The following ATP13A3 variants were observed in gnomAD, a reference collection of about 807,000 sequenced individuals.
ATP13A3 encodes the protein ATPase 13A3.
In ATP13A3, 59 loss-of-function variants were observed where a neutral mutation model predicts 158.1. The observed-to-expected ratio is 0.37, with a 90% CI of 0.30 to 0.46. ATP13A3 has a LOEUF of 0.46. ATP13A3 is among the 20% of genes least tolerant of loss of function. The pLI is 1.00. For synonymous variants in ATP13A3, 491 were observed against 504.3 expected, an observed-to-expected ratio of 0.97 and a Z score of 0.35; for missense variants, 1,166 against 1,525.2, an observed-to-expected ratio of 0.76 and a Z score of 3.92.
Position 194,425,472 on chromosome 3 carries a change from G to C in ATP13A3, c.3183C>G (p.Thr1061=). The C allele has an allele frequency of 6.2e-7, 1 of 1,613,588 alleles. No homozygotes were observed. Among genetic ancestry groups the C allele is most frequent in the Non-Finnish European group, 8.5e-7 (1 of 1,179,694 alleles). Residue 1061 remains threonine (T), a synonymous_variant, in exon 30 of 34, where the codon ACC becomes ACG. Transcript: ENST00000645319. ...TTTGTATATTATGTTCATCAAGTTC[G>C]GTTTCATTGTCTACGTGTGAAGAAT... ...FWNSSHVDNE[T]ELDEHNIQNY...
At chr3:194,437,658 C>T (rs1247883066) in intron 17 of ATP13A3, 85 bp from the exon 18 acceptor site, 2 of 1,319,610 alleles carry the variant, frequency 1.5e-6, no homozygotes, top group African/African-American at 3.0e-5. Flanking sequence ...TAAGCATCCA[C>T]AAAACATTAT....
chr3:194,483,426 CAA>C (rs1228588078), intron 2 of ATP13A3, among the ~76,000 whole-genome samples: 3 of 120,358 alleles, frequency 2.5e-5, no homozygotes, highest in Admixed American at 8.4e-5. Context: ...CCCACCTCTA[CAA>C]AAAAAAAAAA....
chr3:194,405,797 G>A lies in ATP13A3; in HGVS notation c.*122C>T. On this transcript the variant is annotated 3_prime_UTR_variant, in exon 34 of 34. Coordinates refer to ENST00000645319, the MANE Select transcript of ATP13A3 (RefSeq NM_001367549.1). ...AAGGAAGAGCAAAGCTGTCAAATAA[G>A]CTACTATATCAGAAGGGACATAAAC... 1.0e-6 allele frequency: 1 copy of A among 965,234 alleles called. No homozygotes were observed. Among genetic ancestry groups the A allele is most frequent in the Non-Finnish European group, 1.6e-6 (1 of 641,618 alleles). 59.8% of individuals were successfully genotyped at this position (965,234 alleles called of 1,614,324 possible).
rs546648860 is a variant in ATP13A3, at chr3:194,435,049, AAT to A, written c.2121-1155_2121-1154del. Reference sequence around the variant, plus strand: ...TCAGAGACTAGAATTTCAGACTTGGAATAACCAAATGATTTTTCTGACAAAAT... The same window carrying A: ...TCAGAGACTAGAATTTCAGACTTGGAAACCAAATGATTTTTCTGACAAAAT... On this transcript the variant is annotated intron_variant, in intron 20 of 33. Coordinates refer to ENST00000645319, the MANE Select transcript of ATP13A3 (RefSeq NM_001367549.1). Among the ~76,000 whole-genome samples, 477 of 152,356 alleles carry A rather than the reference AAT, an allele frequency of 3.1e-3. 1 individual carries two copies. Among genetic ancestry groups the A allele is most frequent in the African/African-American group, 0.011 (460 of 41,584 alleles).
At chr3:194,487,075 G>A (rs1198524237), upstream of ATP13A3, 1 of 151,854 alleles carries the variant, frequency 6.6e-6, no homozygotes, top group Non-Finnish European at 1.5e-5. Context: ...GCGACGTCAG[G>A]AGGCGGGGAA....
At chr3:194,421,319 C>T (rs181662412) in intron 30 of ATP13A3, among the ~76,000 whole-genome samples, 4 of 146,024 alleles carry the variant, frequency 2.7e-5, no homozygotes, top group African/African-American at 5.1e-5. Context: ...TTTGGGAGGC[C>T]GAGGCGGGCG....
intron 20 of ATP13A3, among the ~76,000 whole-genome samples, chr3:194,436,330 CGGG>C (rs1717635314): frequency 6.6e-6 from 1 of 152,004 alleles, no homozygotes; most frequent in Non-Finnish European, 1.5e-5. Flanking sequence ...TGTCATTTGA[CGGG>C]GGGACATGGA....
chr3:194,448,454 T>C lies in ATP13A3; in HGVS notation c.1150+3A>G, dbSNP rs559688641. On this transcript the variant is annotated splice_donor_region_variant and intron_variant, in intron 12 of 33. Transcript: ENST00000645319. This position sits in a 1 kb window ranked among gnomAD's most constrained non-coding sequence, Gnocchi z 4.0. Reference sequence around the variant, plus strand: ...AAAAGAGATTAATTAAGATGTTTCCTACCTGTTCTAACAACTATGGCTTTG... The same window carrying C: ...AAAAGAGATTAATTAAGATGTTTCCCACCTGTTCTAACAACTATGGCTTTG... 5.0e-5 allele frequency: 80 copies of C among 1,612,078 alleles called. No individual in the cohort carries two copies. Among genetic ancestry groups the C allele is most frequent in the African/African-American group, 9.3e-5 (7 of 74,880 alleles).
At chr3:194,431,597 CCT>C in intron 22 of ATP13A3, 118 bp downstream of exon 22, 1 of 1,027,596 alleles carries the variant, frequency 9.7e-7, no homozygotes, top group Non-Finnish European at 1.3e-6. Context: ...AAAAAATAGC[CCT>C]GACTTCTGTT....
chr3:194,439,525 C>T (rs1474461096), intron 16 of ATP13A3, among the ~76,000 whole-genome samples: 1 of 152,162 alleles, frequency 6.6e-6, no homozygotes, highest in East Asian at 1.9e-4. Context: ...CGAAGAAAAA[C>T]GTATATTAAA....
Position 194,459,693 on chromosome 3 carries a change from C to T in ATP13A3, c.408+96G>A, listed in dbSNP as rs915737008. ...TATATGCAGGTAAATTTATCTCAAG[C>T]ATTAACTGCAAACACAAAATTATAG... On this transcript the variant is annotated intron_variant, in intron 5 of 33. Transcript: ENST00000645319. 6 of 1,329,902 alleles carry T rather than the reference C, an allele frequency of 4.5e-6. No individual in the cohort carries two copies. In the African/African-American group the frequency reaches 7.4e-5, roughly 16 times the overall value. 82.4% of individuals were successfully genotyped at this position (1,329,902 alleles called of 1,614,324 possible).
Position 194,444,741 on chromosome 3 carries a change from G to A in ATP13A3, c.1543C>T (p.Arg515Ter). The change falls in exon 15 of 34, where the codon CGA becomes TGA. Residue 515 changes from arginine (R) to a stop codon, truncating the protein, a stop_gained. Coordinates refer to ENST00000645319, the MANE Select transcript of ATP13A3 (RefSeq NM_001367549.1). LOFTEE classifies it high-confidence loss of function. The part of the protein sequence containing the change: ...EDGLDLWGIQ[R>*]VENARFLSPE... ...AATATTTACCGTGCATTTTCCACTC[G>A]TTGAATCCCCCAAAGATCTAAACCA... 3.8e-6 allele frequency: 6 copies of A among 1,594,580 alleles called. No homozygotes were observed. The highest frequency in any genetic ancestry group is 1.2e-5 in the South Asian group (1 of 86,430).
rs769009109 is a variant in ATP13A3, at chr3:194,441,465, A to C, written c.1560-4T>G. The stretch of plus-strand genomic sequence containing the variant: ...ATTTTCTTCTGGTGAAAGAAATCTA[A>C]GCAGAAGACACACTGAATTAGTTTC... On this transcript the variant is annotated splice_region_variant and splice_polypyrimidine_tract_variant and intron_variant, in intron 15 of 33. Transcript: ENST00000645319. The C allele has an allele frequency of 6.2e-7, 1 of 1,610,612 alleles. No homozygotes were observed.
Position 194,447,007 on chromosome 3 carries a change from GTCTTC to G in ATP13A3, c.1412_1416del (p.Arg471ThrfsTer26). On this transcript the variant is annotated frameshift_variant, in exon 14 of 34. Transcript: ENST00000645319. LOFTEE classifies it high-confidence loss of function. ...ATACAGAAAATACCGATTTTTTTCAGTCTTCTCTGAGCATACACAATACCAGCAGT... is the reference window on the plus strand; with the variant it reads ...ATACAGAAAATACCGATTTTTTTCAGTCTGAGCATACACAATACCAGCAGT... 6.2e-7 allele frequency: 1 copy of G among 1,613,314 alleles called. No homozygotes were observed. The highest frequency in any genetic ancestry group is 8.5e-7 in the Non-Finnish European group (1 of 1,179,734).
intron 2 of ATP13A3, among the ~76,000 whole-genome samples, chr3:194,464,398 C>T (rs1359486000): frequency 1.3e-5 from 2 of 152,186 alleles, no homozygotes; most frequent in Admixed American, 1.3e-4. Context: ...GTAACAAGAT[C>T]TTCTCCACCT....
intron 21 of ATP13A3, among the ~76,000 whole-genome samples, chr3:194,432,928 GA>G (rs549690914): frequency 3.1e-4 from 46 of 147,082 alleles, no homozygotes; most frequent in Admixed American, 1.8e-3. Context: ...AGATGTACTA[GA>G]AAAAAAAAAG....
rs1172893031 is a variant in ATP13A3 at position 194,440,714 on chromosome 3, A to C, written c.1710+597T>G. 2.0e-5 allele frequency among the ~76,000 whole-genome samples: 3 copies of C among 152,226 alleles called. No homozygotes were observed. In the East Asian group the frequency reaches 5.8e-4, roughly 29 times the overall value. On this transcript the variant is annotated intron_variant, in intron 16 of 33. Coordinates refer to ENST00000645319, the MANE Select transcript of ATP13A3 (RefSeq NM_001367549.1). ...CATGGGGTGGGGGCCAGAGGAGACC[A>C]TAACCTCAAAGAAAATAAATAATTC...
intron 27 of ATP13A3, 88 bp downstream of exon 27, chr3:194,429,590 G>A (rs1364873716): frequency 6.7e-6 from 6 of 901,480 alleles, no homozygotes; most frequent in Non-Finnish European, 1.0e-5. Flanking sequence ...ATTACTAATG[G>A]ATGCATTCAA....
At position 194,414,387 on chromosome 3, in the gene ATP13A3, T is replaced by C. The variant is rs1313465013; in HGVS notation, c.3403-548A>G. On this transcript the variant is annotated intron_variant, in intron 31 of 33. Transcript: ENST00000645319. ...CTGAGCCACGAGAATCACTTGAGCC[T>C]GGGAAGTGGAGGCTGCAGTGAGCCG... 2.0e-5 allele frequency among the ~76,000 whole-genome samples: 3 copies of C among 150,144 alleles called. No homozygotes were observed. In the South Asian group the frequency reaches 6.4e-4, roughly 32 times the overall value.
Sources: allele counts gnomAD v4.1 joint callset (sites outside exome capture counted in the v4.1 genomes callset), GRCh38; gene constraint gnomAD v4.1.1; non-coding constraint Gnocchi (gnomAD v3.1); transcripts MANE v1.5; gene names NCBI Gene and HGNC (gene_info 2026-07-23, HGNC 2026-07-21).